SH3GL2: variants seen among roughly 807,000 people sequenced by gnomAD.
SH3GL2 encodes endophilin-A1.
Under a neutral mutation model 46.0 loss-of-function variants are expected in SH3GL2, and 24 were observed. That is an observed-to-expected ratio of 0.52 (90% CI 0.38 to 0.73). The LOEUF (loss-of-function observed/expected upper bound fraction) is 0.73. SH3GL2 is among the 30% of genes least tolerant of loss of function. SH3GL2 has a pLI of 0.00. For missense variants in SH3GL2, 413 were observed against 424.2 expected, an observed-to-expected ratio of 0.97 and a Z score of 0.23; for synonymous variants, 196 against 147.1, an observed-to-expected ratio of 1.33 and a Z score of -2.40.
intron 1 of SH3GL2, among the ~76,000 whole-genome samples, chr9:17,699,153 C>CA (rs3084657): frequency 0.024 from 2,031 of 86,084 alleles, 38 homozygotes; most frequent in South Asian, 0.047. Context: ...GACTCTGTCT[C>CA]AAAAAAAAAA....
intron 1 of SH3GL2, among the ~76,000 whole-genome samples, chr9:17,731,102 C>A (rs1822166875): frequency 6.6e-6 from 1 of 152,074 alleles, no homozygotes; most frequent in Admixed American, 6.6e-5. Context: ...GTCCTTGTGG[C>A]AGGAATGATA....
At chr9:17,658,885 A>T (rs913768179) in intron 1 of SH3GL2, among the ~76,000 whole-genome samples, 1 of 152,228 alleles carries the variant, frequency 6.6e-6, no homozygotes, top group Non-Finnish European at 1.5e-5. Flanking sequence ...AGTCCTTTGG[A>T]TTAAATCTTT....
chr9:17,761,399 C>G (rs145329383), intron 2 of SH3GL2, 38 bp from the exon 3 acceptor site: 1 of 1,320,156 alleles, frequency 7.6e-7, no homozygotes, highest in East Asian at 2.3e-5. Flanking sequence ...TAAAGCTCAT[C>G]ATTTTTGTCA....
chr9:17,656,839 TA>T (rs1227039253), intron 1 of SH3GL2, among the ~76,000 whole-genome samples: 1 of 151,246 alleles, frequency 6.6e-6, no homozygotes, highest in African/African-American at 2.4e-5. Context: ...TACATGTGAT[TA>T]CTTGACACGT....
chr9:17,592,075 A>C (rs1053781774), intron 1 of SH3GL2, among the ~76,000 whole-genome samples: 5 of 152,194 alleles, frequency 3.3e-5, no homozygotes, highest in African/African-American at 9.6e-5. Context: ...AAGCTGGAGA[A>C]TCAGGAAACC....
chr9:17,712,470 G>T (rs1821652312), intron 1 of SH3GL2, among the ~76,000 whole-genome samples: 2 of 151,730 alleles, frequency 1.3e-5, no homozygotes, highest in African/African-American at 2.4e-5. Context: ...TGATCAGTTT[G>T]TGCTAATTTT....
chr9:17,757,927 G>T (rs1358879446), intron 2 of SH3GL2, among the ~76,000 whole-genome samples: 1 of 152,162 alleles, frequency 6.6e-6, no homozygotes, highest in Non-Finnish European at 1.5e-5. Flanking sequence ...ATGGCCCTCA[G>T]CTTGTCTCTG....
chr9:17,767,636 T>C (rs1437466017), intron 3 of SH3GL2, among the ~76,000 whole-genome samples: 1 of 152,230 alleles, frequency 6.6e-6, no homozygotes, highest in Non-Finnish European at 1.5e-5. Context: ...TCTCAGTATG[T>C]CTGGTGAATA....
At chr9:17,777,351 C>T (rs530132727) in intron 3 of SH3GL2, among the ~76,000 whole-genome samples, 163 of 152,174 alleles carry the variant, frequency 1.1e-3, no homozygotes, top group African/African-American at 3.7e-3. Flanking sequence ...TTGGTTTGCT[C>T]ACAAATATAG....
At chr9:17,612,549 G>A (rs1004985468) in intron 1 of SH3GL2, among the ~76,000 whole-genome samples, 2 of 152,148 alleles carry the variant, frequency 1.3e-5, no homozygotes, top group African/African-American at 2.4e-5. Flanking sequence ...TGAGAATAAG[G>A]TGAGGAGAGG....
intron 1 of SH3GL2, among the ~76,000 whole-genome samples, chr9:17,685,318 A>G (rs1363129720): frequency 6.6e-6 from 1 of 152,084 alleles, no homozygotes; most frequent in East Asian, 1.9e-4. Flanking sequence ...CTTCAGGGAA[A>G]ATATTAATTC....
chr9:17,720,993 G>T (rs1169007480), intron 1 of SH3GL2, among the ~76,000 whole-genome samples: 1 of 152,092 alleles, frequency 6.6e-6, no homozygotes, highest in East Asian at 1.9e-4. Flanking sequence ...CATAAGACAT[G>T]GGAAGCCTTA....
intron 1 of SH3GL2, among the ~76,000 whole-genome samples, chr9:17,684,324 T>C (rs1237820072): frequency 6.6e-6 from 1 of 152,068 alleles, no homozygotes; most frequent in Non-Finnish European, 1.5e-5. Flanking sequence ...ACCTCCTTGG[T>C]AGAATTGATG....
At chr9:17,715,992 A>G (rs1241141347) in intron 1 of SH3GL2, among the ~76,000 whole-genome samples, 1 of 152,106 alleles carries the variant, frequency 6.6e-6, no homozygotes, top group East Asian at 1.9e-4. Flanking sequence ...CTGAATGTGT[A>G]TCACCTTTGC....
intron 1 of SH3GL2, among the ~76,000 whole-genome samples, chr9:17,625,392 C>A (rs1819258803): frequency 2.0e-5 from 3 of 152,158 alleles, no homozygotes; most frequent in African/African-American, 7.2e-5. Flanking sequence ...TTACAGTCCA[C>A]CTCCTTTCAT....
chr9:17,670,929 G>A (rs1325394353), intron 1 of SH3GL2, among the ~76,000 whole-genome samples: 4 of 152,180 alleles, frequency 2.6e-5, no homozygotes, highest in Non-Finnish European at 5.9e-5. Context: ...GTATGGGGTG[G>A]GGCCTGACTA....
intron 1 of SH3GL2, among the ~76,000 whole-genome samples, chr9:17,596,384 A>G (rs1472095982): frequency 6.6e-6 from 1 of 151,968 alleles, no homozygotes; most frequent in Non-Finnish European, 1.5e-5. Context: ...CTAGTGTCAT[A>G]GCATTGACAC....
intron 1 of SH3GL2, among the ~76,000 whole-genome samples, chr9:17,611,727 G>A (rs567524976): frequency 2.0e-5 from 3 of 152,126 alleles, no homozygotes; most frequent in African/African-American, 4.8e-5. Context: ...TACTCTGGGG[G>A]CCTTGCCCTT....
intron 1 of SH3GL2, among the ~76,000 whole-genome samples, chr9:17,636,288 TAGGTAA>T (rs71958607): frequency 0.042 from 6,453 of 152,218 alleles, 160 homozygotes; most frequent in African/African-American, 0.07. Context: ...ATGGGAATGT[TAGGTAA>T]AGGTAATGGA....
Sources: gnomAD v4.1 joint callset for allele counts (sites outside exome capture counted in the v4.1 genomes callset) on GRCh38, gnomAD v4.1.1 for gene constraint, MANE v1.5 for transcripts, NCBI Gene and HGNC (gene_info 2026-07-23, HGNC 2026-07-21) for gene names.